The following PAPSS2 variants were observed in gnomAD, a reference collection of about 807,000 sequenced individuals.
PAPSS2 encodes the protein 3'-phosphoadenosine 5'-phosphosulfate synthase 2, also known as bifunctional 3'-phosphoadenosine 5'-phosphosulfate synthase 2.
In PAPSS2, 61 loss-of-function variants were observed where a neutral mutation model predicts 66.5. The ratio of observed to expected loss-of-function variants is 0.92; its 90% CI spans 0.75 to 1.14. The LOEUF is 1.14. PAPSS2 is among the 50% of genes most tolerant of loss of function. The pLI is 0.00. For missense variants in PAPSS2, 708 were observed against 789.6 expected (o/e 0.90, Z 1.24); for synonymous variants, 289 against 287.5 (o/e 1.01, Z -0.05).
chr10:87,713,047 G>C lies in PAPSS2; in HGVS notation c.146-28G>C, dbSNP rs1853482055. On this transcript the variant is annotated intron_variant, in intron 2 of 12. Transcript: ENST00000456849. Reference sequence around the variant, plus strand: ...GTCATCTTAAACTATCCAGGCCGATGTCAGTCTGTTTTATCTGTTCTGAAC... The same window carrying C: ...GTCATCTTAAACTATCCAGGCCGATCTCAGTCTGTTTTATCTGTTCTGAAC... 6 of 1,258,272 alleles carry C rather than the reference G, an allele frequency of 4.8e-6. No individual in the cohort carries two copies. In the East Asian group the frequency reaches 1.4e-4, roughly 29 times the overall value. 77.9% of individuals were successfully genotyped at this position (1,258,272 alleles called of 1,614,324 possible). A position where few individuals can be genotyped will look rare whatever the true frequency, so the allele number is the denominator to read the frequency against.
chr10:87,680,958 A>G (rs1853012805), intron 1 of PAPSS2, among the ~76,000 whole-genome samples: 1 of 152,200 alleles, frequency 6.6e-6, no homozygotes, highest in Non-Finnish European at 1.5e-5. Flanking sequence ...ACTGCTATAT[A>G]GTGTATTCCA....
intron 1 of PAPSS2, among the ~76,000 whole-genome samples, chr10:87,677,159 A>G (rs1852960228): frequency 6.6e-6 from 1 of 152,094 alleles, no homozygotes; most frequent in African/African-American, 2.4e-5. Context: ...ACGCCACTAC[A>G]CTCCAGCCTG....
At chr10:87,734,653 G>A (rs1312946550) in intron 9 of PAPSS2, among the ~76,000 whole-genome samples, 2 of 110,428 alleles carry the variant, frequency 1.8e-5, no homozygotes, top group Non-Finnish European at 3.5e-5. Context: ...GCACAGAAAT[G>A]AATGTGTGTG....
chr10:87,744,947 T>A, intron 11 of PAPSS2, 55 bp from the exon 12 acceptor site: 1 of 1,462,900 alleles, frequency 6.8e-7, no homozygotes, highest in Non-Finnish European at 9.6e-7. Flanking sequence ...CCATAAACCA[T>A]GACCTACAGA....
chr10:87,682,817 A>T (rs1853038882), intron 1 of PAPSS2, among the ~76,000 whole-genome samples: 1 of 152,190 alleles, frequency 6.6e-6, no homozygotes, highest in Admixed American at 6.5e-5. Flanking sequence ...GTAGAAAAAC[A>T]TGGGCGATTT....
chr10:87,745,771 G>T, intron 12 of PAPSS2, 61 bp from the exon 13 acceptor site: 2 of 1,578,392 alleles, frequency 1.3e-6, no homozygotes, highest in Admixed American at 1.7e-5. Context: ...ACCTACTCCA[G>T]GAATCCTTAA....
At chr10:87,699,242 T>C (rs549435629) in intron 1 of PAPSS2, among the ~76,000 whole-genome samples, 70 of 142,462 alleles carry the variant, frequency 4.9e-4, no homozygotes, top group Non-Finnish European at 1.0e-3. Flanking sequence ...TTATATATTT[T>C]AAAGGGATTC....
At chr10:87,736,057 G>A (rs1484310174) in intron 9 of PAPSS2, among the ~76,000 whole-genome samples, 1 of 152,154 alleles carries the variant, frequency 6.6e-6, no homozygotes, top group African/African-American at 2.4e-5. Flanking sequence ...TATTTGGAAA[G>A]TGGTGAAAGG....
chr10:87,732,333 G>A (rs1448762386), intron 9 of PAPSS2, among the ~76,000 whole-genome samples: 1 of 152,046 alleles, frequency 6.6e-6, no homozygotes, highest in Non-Finnish European at 1.5e-5. Flanking sequence ...ATCAGCCTTG[G>A]CAACATGGCG....
At position 87,745,236 on chromosome 10, in the gene PAPSS2, G is replaced by A. The variant is rs1378234652; in HGVS notation, c.1721+5G>A. The stretch of plus-strand genomic sequence containing the variant: ...GGACTTCTATGATCCAGCAAGGTAG[G>A]TTTTCAGAGGAAAATTCTTTTATCA... On this transcript the variant is annotated splice_donor_5th_base_variant and intron_variant, in intron 12 of 12. Coordinates refer to ENST00000456849, the MANE Select transcript of PAPSS2 (RefSeq NM_001015880.2). The A allele has an allele frequency of 1.9e-6, 3 of 1,599,974 alleles. No individual in the cohort carries two copies. The highest frequency in any genetic ancestry group is 1.7e-5 in the Admixed American group (1 of 57,602).
intron 7 of PAPSS2, among the ~76,000 whole-genome samples, chr10:87,717,625 T>C (rs1180942881): frequency 6.6e-6 from 1 of 152,200 alleles, no homozygotes; most frequent in Non-Finnish European, 1.5e-5. Flanking sequence ...TGCAGTGGCA[T>C]GATCATAGCT....
In PAPSS2 at chr10:87,706,134, GTGTGTGTATA is replaced by G. The variant is rs1229562407; in HGVS notation, c.28-3060_28-3051del. 2.5e-4 allele frequency among the ~76,000 whole-genome samples: 30 copies of G among 121,944 alleles called. 1 individual carries two copies. The East Asian group carries it at 5.2e-3, about 21-fold the overall frequency. 80.0% of individuals were successfully genotyped at this position (121,944 alleles called of 152,430 possible). On this transcript the variant is annotated intron_variant, in intron 1 of 12. Transcript: ENST00000456849. The stretch of plus-strand genomic sequence containing the variant: ...TGTGTGTGTGTGTGTGTGTGTGTGT[GTGTGTGTATA>G]TATATACCCTCTCCCTCAGAGAGTG...
intron 7 of PAPSS2, among the ~76,000 whole-genome samples, chr10:87,720,193 T>C (rs554782446): frequency 2.6e-5 from 4 of 152,304 alleles, no homozygotes; most frequent in African/African-American, 9.6e-5. Flanking sequence ...GCCGAAACTT[T>C]CTTTTTTAAA....
intron 9 of PAPSS2, among the ~76,000 whole-genome samples, chr10:87,728,670 G>T (rs1853689667): frequency 1.3e-5 from 2 of 152,072 alleles, no homozygotes; most frequent in Non-Finnish European, 2.9e-5. Context: ...AACCCAGGAG[G>T]CAGCGGTTGC....
intron 1 of PAPSS2, among the ~76,000 whole-genome samples, chr10:87,684,102 T>A (rs1291875705): frequency 6.6e-6 from 1 of 152,224 alleles, no homozygotes; most frequent in Non-Finnish European, 1.5e-5. Flanking sequence ...TACCAGTACG[T>A]GTTGTCAACA....
intron 9 of PAPSS2, among the ~76,000 whole-genome samples, chr10:87,734,663 G>GTACATATATATATATATA: frequency 1.2e-5 from 1 of 81,098 alleles, no homozygotes; most frequent in Non-Finnish European, 2.2e-5. Flanking sequence ...GAATGTGTGT[G>GTACATATATATATATATA]TATATATATA....
At position 87,714,079 on chromosome 10, in the gene PAPSS2, A is replaced by T; in HGVS notation, c.417A>T (p.Ala139=). 1 of 1,613,900 alleles carries T rather than the reference A, an allele frequency of 6.2e-7. No individual in the cohort carries two copies. The highest frequency in any genetic ancestry group is 8.5e-7 in the Non-Finnish European group (1 of 1,179,788). ...RENARKIHES[A]GLPFFEIFVD... is the part of the protein sequence containing the mutation. Reference sequence around the variant, plus strand: ...ATGCCCGCAAAATACATGAATCAGCAGGGCTGCCATTCTTTGAAATATTTG... The same window carrying T: ...ATGCCCGCAAAATACATGAATCAGCTGGGCTGCCATTCTTTGAAATATTTG... The change falls in exon 4 of 13, where the codon GCA becomes GCT. Residue 139 remains alanine (A), a synonymous_variant. Transcript: ENST00000456849.
At chr10:87,679,834 T>A (rs564723108) in intron 1 of PAPSS2, among the ~76,000 whole-genome samples, 2 of 152,158 alleles carry the variant, frequency 1.3e-5, no homozygotes, top group South Asian at 4.2e-4. Context: ...GAGACCAGCC[T>A]GGGCAACATG....
At chr10:87,667,575 A>G (rs1852829672) in intron 1 of PAPSS2, among the ~76,000 whole-genome samples, 1 of 152,248 alleles carries the variant, frequency 6.6e-6, no homozygotes, top group Non-Finnish European at 1.5e-5. Context: ...CACGTGGTGT[A>G]TAAAATGGAT....
Sources: allele counts gnomAD v4.1 joint callset (sites outside exome capture counted in the v4.1 genomes callset), GRCh38; gene constraint gnomAD v4.1.1; transcripts MANE v1.5; gene names NCBI Gene and HGNC (gene_info 2026-07-23, HGNC 2026-07-21).